The following PDE4D variants were observed in gnomAD, a reference collection of about 807,000 sequenced individuals.
PDE4D encodes the protein phosphodiesterase 4D, also known as 3',5'-cyclic-AMP phosphodiesterase 4D.
Under a neutral mutation model 87.4 loss-of-function variants are expected in PDE4D, and 24 were observed. That is an observed-to-expected ratio of 0.27 (90% confidence interval 0.20 to 0.39). The LOEUF is 0.39. Among genes scored for constraint, PDE4D ranks in the 10% least tolerant of loss-of-function variants. The pLI is 1.00. For synonymous variants in PDE4D, 384 were observed against 383.2 expected, an observed-to-expected ratio of 1.00 and a Z score of -0.02; for missense variants, 714 against 1,041.0, an observed-to-expected ratio of 0.69 and a Z score of 4.32.
chr5:59,564,425 C>A (rs534059056), intron 1 of PDE4D, among the ~76,000 whole-genome samples: 1 of 152,230 alleles, frequency 6.6e-6, no homozygotes, highest in Admixed American at 6.5e-5. Context: ...CATTAAGGGG[C>A]CTCAAAGCCA....
At chr5:60,221,590 C>T (rs1583122467) in intron 1 of PDE4D, among the ~76,000 whole-genome samples, 1 of 152,024 alleles carries the variant, frequency 6.6e-6, no homozygotes, top group African/African-American at 2.4e-5. Flanking sequence ...CCAAAAGTTT[C>T]CTTTTACCCA....
intron 1 of PDE4D, among the ~76,000 whole-genome samples, chr5:59,524,001 C>T (rs1812658974): frequency 1.3e-5 from 2 of 152,158 alleles, no homozygotes. Flanking sequence ...CAATTAAACC[C>T]GTTTCCTTTA....
chr5:59,039,018 G>A lies in PDE4D; in HGVS notation c.809-47C>T, dbSNP rs764931210. On this transcript the variant is annotated intron_variant, in intron 5 of 14. Transcript: ENST00000340635. ...GGGACTCAGTTCTCAAGCGCTTCAC[G>A]GGTCCGCTAGCGAGTTCAAAGGGGG... The A allele has an allele frequency of 1.9e-6, 3 of 1,542,800 alleles. No individual in the cohort carries two copies. In the East Asian group the frequency reaches 7.4e-5, roughly 38 times the overall value.
At chr5:59,510,823 A>G (rs752441761) in intron 1 of PDE4D, among the ~76,000 whole-genome samples, 7 of 152,088 alleles carry the variant, frequency 4.6e-5, no homozygotes, top group Non-Finnish European at 1.0e-4. Context: ...AAGTGGTGGC[A>G]CTAGTGATTC....
At chr5:59,139,575 C>T (rs1331470047) in intron 5 of PDE4D, among the ~76,000 whole-genome samples, 3 of 152,114 alleles carry the variant, frequency 2.0e-5, no homozygotes, top group Admixed American at 6.6e-5. Flanking sequence ...GCAGTCTCAA[C>T]CTCCCAGGCT....
chr5:60,035,724 T>C (rs1767722459), intron 2 of PDE4D, among the ~76,000 whole-genome samples: 1 of 152,184 alleles, frequency 6.6e-6, no homozygotes, highest in African/African-American at 2.4e-5. Context: ...TGCAACATTA[T>C]ATCAAATGAC....
intron 1 of PDE4D, chr5:59,558,809 C>G (rs955453526): frequency 3.9e-5 from 6 of 152,122 alleles, no homozygotes; most frequent in African/African-American, 1.4e-4. Context: ...TTCAGGAAAA[C>G]TTAAGGAAAC....
In PDE4D at chr5:59,756,509, T is replaced by TACACACACACACACACACACACAC. The variant is rs3062590; in HGVS notation, c.455+136635_455+136658dup. ...TCTATGTGCATGTAAACCCAAAACA[T>TACACACACACACACACACACACAC]ACACACACACACACACACACACACA... On this transcript the variant is annotated intron_variant, in intron 1 of 14. Coordinates refer to ENST00000340635, the MANE Select transcript of PDE4D (RefSeq NM_001104631.2). Among the ~76,000 whole-genome samples the TACACACACACACACACACACACAC allele has an allele frequency of 6.8e-3, 992 of 144,984 alleles. 9 individuals are homozygous for TACACACACACACACACACACACAC. Among genetic ancestry groups the TACACACACACACACACACACACAC allele is most frequent in the Middle Eastern group, 0.021 (6 of 286 alleles).
chr5:59,634,812 T>G (rs950880448), intron 1 of PDE4D, among the ~76,000 whole-genome samples: 2 of 151,816 alleles, frequency 1.3e-5, no homozygotes, highest in South Asian at 2.1e-4. Context: ...CACCCTAACA[T>G]CACAATTAAA....
intron 5 of PDE4D, among the ~76,000 whole-genome samples, chr5:59,050,345 C>T (rs550911661): frequency 6.6e-5 from 10 of 152,282 alleles, no homozygotes; most frequent in African/African-American, 2.4e-4. Context: ...AGGCTATGAA[C>T]AGAGTCTCAG....
chr5:59,903,271 C>T (rs1424559692), intron 3 of PDE4D, among the ~76,000 whole-genome samples: 6 of 151,876 alleles, frequency 4.0e-5, no homozygotes. Flanking sequence ...GAACTCAGGA[C>T]AGTTGCCTAA....
chr5:59,421,755 CT>C (rs1241025393), intron 1 of PDE4D, among the ~76,000 whole-genome samples: 1 of 151,822 alleles, frequency 6.6e-6, no homozygotes, highest in South Asian at 2.1e-4. Flanking sequence ...GCTGAAAGAA[CT>C]TTTTTTTAAA....
intron 1 of PDE4D, among the ~76,000 whole-genome samples, chr5:59,520,467 G>C (rs1350180087): frequency 6.6e-6 from 1 of 152,136 alleles, no homozygotes; most frequent in Non-Finnish European, 1.5e-5. Flanking sequence ...AGGAAAGAAG[G>C]CTCACAGTAG....
chr5:59,389,667 A>G (rs764125573), intron 1 of PDE4D, among the ~76,000 whole-genome samples: 26 of 152,150 alleles, frequency 1.7e-4, no homozygotes, highest in Admixed American at 1.3e-3. Context: ...TTGCAGCACT[A>G]TTCACAATAG....
At chr5:60,031,253 T>C (rs191110704) in intron 2 of PDE4D, among the ~76,000 whole-genome samples, 6 of 152,222 alleles carry the variant, frequency 3.9e-5, no homozygotes, top group African/African-American at 1.4e-4. Flanking sequence ...AAGAAGAGGC[T>C]TTTTGCTTTA....
chr5:59,039,048 C>T (rs532394208), intron 5 of PDE4D, 77 bp from the exon 6 acceptor site: 297 of 1,520,252 alleles, frequency 2.0e-4, no homozygotes, highest in Non-Finnish European at 2.4e-4. Context: ...AGGGGGCCAT[C>T]CTGCCATACC....
chr5:58,982,940 TCA>T (rs1464211784), intron 11 of PDE4D, among the ~76,000 whole-genome samples: 1 of 152,210 alleles, frequency 6.6e-6, no homozygotes, highest in Non-Finnish European at 1.5e-5. Context: ...GAGAGATCAT[TCA>T]CATATCTCTT....
Position 59,187,751 on chromosome 5 carries a change from G to A in PDE4D, c.685-2489C>T, listed in dbSNP as rs531052240. On this transcript the variant is annotated intron_variant, in intron 3 of 14. Coordinates refer to ENST00000340635, the MANE Select transcript of PDE4D (RefSeq NM_001104631.2). The stretch of plus-strand genomic sequence containing the variant: ...TTATTTCCTAGGCATGCCAGTATTA[G>A]ATTATTTATTGTGTGTGTGTGGGTT... Among the ~76,000 whole-genome samples the A allele has an allele frequency of 4.1e-4, 62 of 152,218 alleles. 1 individual carries two copies. The South Asian group carries it at 0.012, about 31-fold the overall frequency.
intron 5 of PDE4D, among the ~76,000 whole-genome samples, chr5:59,126,118 A>AGG (rs1273602732): frequency 3.4e-5 from 5 of 148,720 alleles, no homozygotes; most frequent in Non-Finnish European, 5.9e-5. Flanking sequence ...AGAGAGAGAG[A>AGG]GAGAGAGAGA....
Sources: gnomAD v4.1 joint callset for allele counts (sites outside exome capture counted in the v4.1 genomes callset) on GRCh38, gnomAD v4.1.1 for gene constraint, MANE v1.5 for transcripts, NCBI Gene and HGNC (gene_info 2026-07-23, HGNC 2026-07-21) for gene names.